DOK5: variants seen among roughly 807,000 people sequenced by gnomAD.
DOK5 encodes the protein docking protein 5.
DOK5 carries 27 observed loss-of-function variants against 43.3 expected under a neutral mutation model. The ratio of observed to expected loss-of-function variants is 0.62; its 90% confidence interval spans 0.46 to 0.86. The LOEUF (loss-of-function observed/expected upper bound fraction) is 0.86, where lower values mean the gene tolerates loss of function less well. Among genes scored for constraint, DOK5 ranks in the 40% least tolerant of loss-of-function variants. DOK5 has a pLI of 0.00. For synonymous variants in DOK5, 146 were observed against 140.1 expected (o/e 1.04, Z -0.30); for missense variants, 373 against 392.9 (o/e 0.95, Z 0.43).
chr20:54,624,630 G>A (rs1987081372), intron 6 of DOK5, among the ~76,000 whole-genome samples: 1 of 152,058 alleles, frequency 6.6e-6, no homozygotes, highest in Admixed American at 6.6e-5. Context: ...AGTCCCTAAG[G>A]ATATCTATTT....
chr20:54,479,961 G>A (rs1981602320), intron 1 of DOK5, among the ~76,000 whole-genome samples: 1 of 151,836 alleles, frequency 6.6e-6, no homozygotes, highest in East Asian at 1.9e-4. Context: ...TCTAGAATCC[G>A]GCTGTCACCT....
In DOK5 at chr20:54,514,958, T is replaced by C. The variant is rs6023339; in HGVS notation, c.66+38946T>C. 2.3e-3 allele frequency among the ~76,000 whole-genome samples: 344 copies of C among 151,948 alleles called. 1 individual carries two copies. Among genetic ancestry groups the C allele is most frequent in the African/African-American group, 8.0e-3 (330 of 41,422 alleles). On this transcript the variant is annotated intron_variant, in intron 1 of 7. Coordinates refer to ENST00000262593, the MANE Select transcript of DOK5 (RefSeq NM_018431.5). ...TTTCTTTTTCTTTTTTTAAAGAAAA[T>C]AAATAATCTTACTGTTCTAAGGACC...
intron 6 of DOK5, among the ~76,000 whole-genome samples, chr20:54,615,021 G>A (rs1986761102): frequency 6.6e-6 from 1 of 152,188 alleles, no homozygotes; most frequent in Non-Finnish European, 1.5e-5. Flanking sequence ...AGATGGCCAA[G>A]TTCATAACCG....
intron 1 of DOK5, among the ~76,000 whole-genome samples, chr20:54,481,076 T>TATC (rs1981684233): frequency 4.0e-5 from 5 of 124,986 alleles, no homozygotes; most frequent in Non-Finnish European, 6.7e-5. Context: ...ATCATCTATC[T>TATC]ATCTATCATC....
chr20:54,633,289 A>G (rs1018656384), intron 6 of DOK5, among the ~76,000 whole-genome samples: 1 of 152,184 alleles, frequency 6.6e-6, no homozygotes, highest in Non-Finnish European at 1.5e-5. Flanking sequence ...AGTAGGCAGA[A>G]CCCAAAGATA....
intron 5 of DOK5, among the ~76,000 whole-genome samples, chr20:54,608,616 G>T (rs996916347): frequency 6.6e-6 from 1 of 151,392 alleles, no homozygotes; most frequent in Non-Finnish European, 1.5e-5. Flanking sequence ...TAGTTCTTTA[G>T]ATTAGCTTAT....
Position 54,543,032 on chromosome 20 carries a change from C to A in DOK5, c.67-11901C>A, listed in dbSNP as rs567444751. On this transcript the variant is annotated intron_variant, in intron 1 of 7. Transcript: ENST00000262593. ...TAAGTAGCTTAGAGTAGAGTAGAGT[C>A]CCTTGCAGAGAAATATAAATATTCC... 7.9e-5 allele frequency among the ~76,000 whole-genome samples: 12 copies of A among 152,114 alleles called. No individual in the cohort carries two copies. The South Asian group carries it at 2.5e-3, about 32-fold the overall frequency.
At position 54,610,527 on chromosome 20, in the gene DOK5, C is replaced by T. The variant is rs199552295; in HGVS notation, c.735+4C>T. Reference sequence around the variant, plus strand: ...ACAGAGTGTGAAAAACTCGATGGTACGTTTGGAATTTCTTCCTCGTGTCCC... The same window carrying T: ...ACAGAGTGTGAAAAACTCGATGGTATGTTTGGAATTTCTTCCTCGTGTCCC... On this transcript the variant is annotated splice_donor_region_variant and intron_variant, in intron 6 of 7. Coordinates refer to ENST00000262593, the MANE Select transcript of DOK5 (RefSeq NM_018431.5). 63 of 1,486,172 alleles carry T rather than the reference C, an allele frequency of 4.2e-5. No homozygotes were observed. The highest frequency in any genetic ancestry group is 2.0e-4 in the Admixed American group (8 of 40,952). 92.1% of individuals were successfully genotyped at this position (1,486,172 alleles called of 1,614,324 possible).
intron 2 of DOK5, among the ~76,000 whole-genome samples, chr20:54,568,062 G>T (rs899173588): frequency 6.6e-6 from 1 of 152,104 alleles, no homozygotes; most frequent in African/African-American, 2.4e-5. Context: ...TCTTAGAAAT[G>T]ATTAATTGTC....
At chr20:54,585,538 G>A (rs918000818) in intron 2 of DOK5, among the ~76,000 whole-genome samples, 2 of 152,128 alleles carry the variant, frequency 1.3e-5, no homozygotes, top group African/African-American at 4.8e-5. Context: ...GTTGGCACAC[G>A]TGCTCTACCT....
intron 2 of DOK5, among the ~76,000 whole-genome samples, chr20:54,570,497 G>A (rs1246611846): frequency 1.3e-5 from 2 of 152,036 alleles, no homozygotes; most frequent in African/African-American, 4.8e-5. Context: ...AGTCCCACAA[G>A]GGAAAAAATA....
intron 7 of DOK5, among the ~76,000 whole-genome samples, chr20:54,646,947 C>A (rs1338285101): frequency 6.6e-6 from 1 of 150,926 alleles, no homozygotes; most frequent in Non-Finnish European, 1.5e-5. Context: ...TCATACAGAC[C>A]CTTAAGGAGG....
chr20:54,543,442 A>G (rs1420208312), intron 1 of DOK5, among the ~76,000 whole-genome samples: 4 of 152,150 alleles, frequency 2.6e-5, no homozygotes, highest in Non-Finnish European at 4.4e-5. Context: ...ACAGAGAAGT[A>G]GAATAGCTCC....
At chr20:54,488,338 C>T (rs560301292) in intron 1 of DOK5, among the ~76,000 whole-genome samples, 4 of 152,216 alleles carry the variant, frequency 2.6e-5, no homozygotes, top group Admixed American at 1.3e-4. Flanking sequence ...TTGCTCTTAA[C>T]GTCTGATTTT....
intron 6 of DOK5, among the ~76,000 whole-genome samples, chr20:54,618,687 A>C (rs1288664053): frequency 6.6e-6 from 1 of 152,096 alleles, no homozygotes; most frequent in Admixed American, 6.5e-5. Context: ...AGTACCTTTC[A>C]GAAGCATCTA....
chr20:54,548,757 A>G (rs1984429628), intron 1 of DOK5, among the ~76,000 whole-genome samples: 1 of 152,204 alleles, frequency 6.6e-6, no homozygotes, highest in Non-Finnish European at 1.5e-5. Context: ...ATTATTTTCA[A>G]ACTGTCATTC....
intron 1 of DOK5, among the ~76,000 whole-genome samples, chr20:54,538,998 C>T (rs1984047991): frequency 1.3e-5 from 2 of 151,988 alleles, no homozygotes; most frequent in African/African-American, 4.8e-5. Context: ...CAAAGGAGAA[C>T]AGGGCCGGGC....
At chr20:54,513,214 T>G (rs192340869) in intron 1 of DOK5, among the ~76,000 whole-genome samples, 1 of 152,094 alleles carries the variant, frequency 6.6e-6, no homozygotes, top group African/African-American at 2.4e-5. Flanking sequence ...TATGGGCTAA[T>G]AAGACATAGT....
At chr20:54,628,150 G>A (rs1439469159) in intron 6 of DOK5, among the ~76,000 whole-genome samples, 6 of 152,140 alleles carry the variant, frequency 3.9e-5, no homozygotes, top group African/African-American at 1.2e-4. Context: ...ACAAGGTTGC[G>A]AGTGTTTAGG....
Sources: allele counts gnomAD v4.1 joint callset (sites outside exome capture counted in the v4.1 genomes callset), GRCh38; gene constraint gnomAD v4.1.1; transcripts MANE v1.5; gene names NCBI Gene and HGNC (gene_info 2026-07-23, HGNC 2026-07-21).